RIN2: variants seen among roughly 807,000 people sequenced by gnomAD.
RIN2 encodes the protein Ras and Rab interactor 2.
A neutral mutation model predicts 78.0 loss-of-function variants in RIN2; 36 were observed. The observed-to-expected ratio is 0.46, with a 90% CI of 0.35 to 0.61. The LOEUF (loss-of-function observed/expected upper bound fraction) is 0.61, where lower values mean the gene tolerates loss of function less well. Ranked by LOEUF, RIN2 falls within the 20% of genes least tolerant of loss-of-function variation. RIN2 has a pLI of 0.00. For synonymous variants in RIN2, 466 were observed against 466.8 expected (o/e 1.00, Z 0.02); for missense variants, 1,087 against 1,159.7 (o/e 0.94, Z 0.91).
chr20:19,844,596 T>TGCTGCTGCTGCTG lies in RIN2; in HGVS notation c.-37+44849_-37+44850insGCTGCTGCTGCTG, dbSNP rs1568806906. Among the ~76,000 whole-genome samples the TGCTGCTGCTGCTG allele has an allele frequency of 5.2e-4, 52 of 99,268 alleles. 1 individual carries two copies. Among genetic ancestry groups the TGCTGCTGCTGCTG allele is most frequent in the African/African-American group, 1.8e-3 (49 of 26,552 alleles). 65.1% of individuals were successfully genotyped at this position (99,268 alleles called of 152,430 possible). ...GAGAGCTGCTGCTGCTGCTGCTGCT[T>TGCTGCTGCTGCTG]CTTCCTCTTCTTCTTCTTCTTCTTC... On this transcript the variant is annotated intron_variant, in intron 2 of 12. Coordinates refer to ENST00000255006, the MANE Select transcript of RIN2 (RefSeq NM_018993.4).
At chr20:19,861,619 C>T (rs1191300364) in intron 2 of RIN2, among the ~76,000 whole-genome samples, 1 of 150,906 alleles carries the variant, frequency 6.6e-6, no homozygotes, top group African/African-American at 2.4e-5. Flanking sequence ...ATCTGATGAT[C>T]ACCCTCCATA....
chr20:19,964,184 A>C (rs754807541), intron 6 of RIN2, among the ~76,000 whole-genome samples: 3 of 151,236 alleles, frequency 2.0e-5, no homozygotes, highest in Non-Finnish European at 4.4e-5. Flanking sequence ...CTTCTGTGTT[A>C]GAAAATGTGA....
intron 1 of RIN2, among the ~76,000 whole-genome samples, chr20:19,764,920 T>G (rs928247715): frequency 4.8e-4 from 38 of 78,792 alleles, no homozygotes; most frequent in South Asian, 1.5e-3. Flanking sequence ...CTTTCTGCGT[T>G]TTTTTTTTTT....
intron 2 of RIN2, among the ~76,000 whole-genome samples, chr20:19,878,270 C>T (rs570748741): frequency 6.6e-6 from 1 of 152,280 alleles, no homozygotes; most frequent in South Asian, 2.1e-4. Context: ...CCCAAGCCTG[C>T]TTCCACTGCT....
chr20:19,922,708 T>A (rs1024296859), intron 3 of RIN2, among the ~76,000 whole-genome samples: 1 of 152,186 alleles, frequency 6.6e-6, no homozygotes, highest in Admixed American at 6.5e-5. Flanking sequence ...CCCTGTGGAA[T>A]GAAAGTGCCC....
At chr20:19,984,693 G>A (rs1318051404) in intron 9 of RIN2, among the ~76,000 whole-genome samples, 3 of 152,126 alleles carry the variant, frequency 2.0e-5, no homozygotes, top group African/African-American at 7.2e-5. Context: ...CTTAAACCTG[G>A]GAGATGGAGG....
chr20:19,886,934 G>A (rs2038224188), intron 2 of RIN2, among the ~76,000 whole-genome samples: 1 of 152,026 alleles, frequency 6.6e-6, no homozygotes, highest in African/African-American at 2.4e-5. Context: ...GAGTCAAGGT[G>A]TCTAAGGTTA....
intron 2 of RIN2, among the ~76,000 whole-genome samples, chr20:19,822,878 A>G (rs1340630300): frequency 6.6e-6 from 1 of 152,192 alleles, no homozygotes. Context: ...TACTCTGCAA[A>G]AAGAGGTGAC....
chr20:19,957,115 A>G (rs1004003843), intron 5 of RIN2, among the ~76,000 whole-genome samples: 4 of 152,126 alleles, frequency 2.6e-5, no homozygotes, highest in Non-Finnish European at 1.5e-5. Flanking sequence ...GAGCCTGGAC[A>G]CTGAGGATGA....
At chr20:19,773,312 G>T (rs191155937) in intron 1 of RIN2, among the ~76,000 whole-genome samples, 7 of 152,258 alleles carry the variant, frequency 4.6e-5, no homozygotes, top group Admixed American at 2.0e-4. Flanking sequence ...TGCTAGTAGG[G>T]GTGAGAACTC....
intron 3 of RIN2, among the ~76,000 whole-genome samples, chr20:19,922,668 A>G (rs2039973789): frequency 6.6e-6 from 1 of 152,042 alleles, no homozygotes; most frequent in Non-Finnish European, 1.5e-5. Context: ...TGTCCACTGT[A>G]AGTCCATCCA....
intron 2 of RIN2, among the ~76,000 whole-genome samples, chr20:19,862,454 G>A (rs574386016): frequency 5.3e-5 from 8 of 152,254 alleles, no homozygotes; most frequent in African/African-American, 1.7e-4. Flanking sequence ...TTAGTCGGGC[G>A]TGGTGGCAGG....
At chr20:19,833,283 T>TATATATATATA (rs1568794573) in intron 2 of RIN2, among the ~76,000 whole-genome samples, 4 of 151,030 alleles carry the variant, frequency 2.6e-5, no homozygotes, top group African/African-American at 9.8e-5. Flanking sequence ...TAGATATAGG[T>TATATATATATA]TATATATATA....
chr20:19,953,129 C>T (rs2146217431), intron 4 of RIN2, among the ~76,000 whole-genome samples: 1 of 149,208 alleles, frequency 6.7e-6, no homozygotes, highest in South Asian at 2.2e-4. Context: ...CGTTGGGATC[C>T]CCTGGGGAAT....
At chr20:19,778,782 G>C (rs779553659) in intron 1 of RIN2, among the ~76,000 whole-genome samples, 2 of 152,116 alleles carry the variant, frequency 1.3e-5, no homozygotes, top group Non-Finnish European at 2.9e-5. Context: ...CTGGGACCTC[G>C]GAGGGCCCTG....
At chr20:19,858,496 C>A (rs1234913113) in intron 2 of RIN2, among the ~76,000 whole-genome samples, 2 of 152,164 alleles carry the variant, frequency 1.3e-5, no homozygotes, top group Non-Finnish European at 2.9e-5. Context: ...AGAAGCTTGT[C>A]AAATTTTATG....
In RIN2 at chr20:19,881,919, G is replaced by A. The variant is rs181375040; in HGVS notation, c.-36-7647G>A. ...AAAGAATATTCCTAGAGTTTCTGTGGAATTGCTTCTACTTTCATTATTGAC... is the reference window on the plus strand; with the variant it reads ...AAAGAATATTCCTAGAGTTTCTGTGAAATTGCTTCTACTTTCATTATTGAC... On this transcript the variant is annotated intron_variant, in intron 2 of 12. Transcript: ENST00000255006. Among the ~76,000 whole-genome samples, 389 of 152,264 alleles carry A rather than the reference G, an allele frequency of 2.6e-3. 4 individuals are homozygous for A. The highest frequency in any genetic ancestry group is 3.2e-3 in the Non-Finnish European group (217 of 68,034).
chr20:19,901,041 C>T (rs894898479), intron 3 of RIN2, among the ~76,000 whole-genome samples: 4 of 151,686 alleles, frequency 2.6e-5, no homozygotes, highest in African/African-American at 9.7e-5. Context: ...GCCCAGCTCT[C>T]TCCTGGTGAT....
At chr20:19,887,692 C>A (rs1470372273) in intron 2 of RIN2, among the ~76,000 whole-genome samples, 1 of 152,174 alleles carries the variant, frequency 6.6e-6, no homozygotes, top group Non-Finnish European at 1.5e-5. Flanking sequence ...TCTGCCCTGG[C>A]TCATCAGAAA....
Sources: allele counts gnomAD v4.1 joint callset (sites outside exome capture counted in the v4.1 genomes callset), GRCh38; gene constraint gnomAD v4.1.1; transcripts MANE v1.5; gene names NCBI Gene and HGNC (gene_info 2026-07-23, HGNC 2026-07-21).